Variants in MYEOV observed in about 807,000 individuals in gnomAD.
The protein encoded by MYEOV is myeloma overexpressed.
In MYEOV, 4 loss-of-function variants were observed where a neutral mutation model predicts 4.5. That is an observed-to-expected ratio of 0.89 (90% confidence interval 0.44 to 2.03). The LOEUF (loss-of-function observed/expected upper bound fraction) is 2.03. Among genes scored for constraint, MYEOV ranks in the 30% most tolerant of loss-of-function variants. The probability of loss-of-function intolerance (pLI) is 0.03; values close to 1 mark genes in which losing one functional copy is unlikely to be tolerated. For missense variants in MYEOV, 408 were observed against 412.8 expected (o/e 0.99, Z 0.10); for synonymous variants, 184 against 170.3 (o/e 1.08, Z -0.63).
rs144557795 is a variant in MYEOV at position 69,295,395 on chromosome 11, C to G, written c.41C>G (p.Pro14Arg). 14 of 1,613,382 alleles carry G rather than the reference C, an allele frequency of 8.7e-6. No individual in the cohort carries two copies. The African/African-American group carries it at 9.3e-5, about 11-fold the overall frequency. The change falls in exon 2 of 3, where the codon CCG (proline) becomes CGG (arginine). Residue 14 changes from proline to arginine, a missense_variant. Coordinates refer to ENST00000441339, the MANE Select transcript of MYEOV (RefSeq NM_001293291.2). The surrounding 1 kb of genome is among the most constrained non-coding windows in gnomAD (Gnocchi z 4.1). ...RICVTYTPAL[P>R]IGLCTRCCLC... Reference sequence around the variant, plus strand: ...TGCGTCACATACACCCCAGCTCTCCCGATAGGTCTCTGCACTCGCTGTTGC... The same window carrying G: ...TGCGTCACATACACCCCAGCTCTCCGGATAGGTCTCTGCACTCGCTGTTGC...
intron 1 of MYEOV, among the ~76,000 whole-genome samples, chr11:69,294,799 GT>G (rs1855132096): frequency 6.6e-6 from 1 of 152,164 alleles, no homozygotes; most frequent in Non-Finnish European, 1.5e-5. Flanking sequence ...AGCTGCCCAG[GT>G]CCCCTCTGGT....
At position 69,296,352 on chromosome 11, in the gene MYEOV, ACCTCCT is replaced by A. The variant is rs752054700; in HGVS notation, c.916_921del (p.Leu306_Leu307del). On this transcript the variant is annotated inframe_deletion, in exon 3 of 3. Transcript: ENST00000441339. Reference sequence around the variant, plus strand: ...GGTGCTTCTCCTCTCCTCCTCCACCACCTCCTCCTCCTCCTCCTCATCATCATCCTC... The same window carrying A: ...GGTGCTTCTCCTCTCCTCCTCCACCACCTCCTCCTCCTCATCATCATCCTC... 1.3e-5 allele frequency: 19 copies of A among 1,479,640 alleles called. No homozygotes were observed. The highest frequency in any genetic ancestry group is 2.6e-5 in the Admixed American group (1 of 38,256). 91.7% of individuals were successfully genotyped at this position (1,479,640 alleles called of 1,614,324 possible).
rs199941307 is a variant in MYEOV, at chr11:69,296,306, A to G, written c.856A>G (p.Met286Val). 1 of 1,535,072 alleles carries G rather than the reference A, an allele frequency of 6.5e-7. No individual in the cohort carries two copies. The highest frequency in any genetic ancestry group is 2.3e-5 in the East Asian group (1 of 44,014). The change falls in exon 3 of 3, where the codon ATG (methionine) becomes GTG (valine). Residue 286 changes from methionine (M) to valine (V), a missense_variant. Met to Val is a conservative substitution (Grantham distance 21). Coordinates refer to ENST00000441339, the MANE Select transcript of MYEOV (RefSeq NM_001293291.2). ...GAGGACTGGCCAGGTGGGGCCCACT[A>G]TGCACCCACCCCCAGTGTCAGGTGC... Reference protein sequence around the residue: ...VRRTGQVGPTMHPPPVSGASP... With the variant: ...VRRTGQVGPTVHPPPVSGASP...
In MYEOV at chr11:69,295,268, C is replaced by G. The variant is rs895928150; in HGVS notation, c.-87C>G. The stretch of plus-strand genomic sequence containing the variant: ...GGAGCAGGAAAGTTCATCTCAGACC[C>G]TAAATCCAGCCACGTCATGCCACGC... On this transcript the variant is annotated 5_prime_UTR_variant, in exon 2 of 3. Coordinates refer to ENST00000441339, the MANE Select transcript of MYEOV (RefSeq NM_001293291.2). This position sits in a 1 kb window ranked among gnomAD's most constrained non-coding sequence, Gnocchi z 4.1. 2 of 1,510,910 alleles carry G rather than the reference C, an allele frequency of 1.3e-6. No homozygotes were observed. The highest frequency in any genetic ancestry group is 1.3e-5 in the South Asian group (1 of 76,616). The allele number at this position is 1,510,910 out of a possible 1,614,324, so 93.6% of individuals were successfully genotyped here.
In MYEOV at chr11:69,297,094, C is replaced by T. The variant is rs1855220706; in HGVS notation, c.*702C>T. On this transcript the variant is annotated 3_prime_UTR_variant, in exon 3 of 3. Transcript: ENST00000441339. Reference sequence around the variant, plus strand: ...TCATGCTGCAGGACCCTGTTTCTCTCTTTGCTTTGGCTGCTGGGGAGCTCA... The same window carrying T: ...TCATGCTGCAGGACCCTGTTTCTCTTTTTGCTTTGGCTGCTGGGGAGCTCA... 1.3e-5 allele frequency: 2 copies of T among 152,190 alleles called. No individual in the cohort carries two copies. Among genetic ancestry groups the T allele is most frequent in the Admixed American group, 1.3e-4 (2 of 15,280 alleles). 9.4% of individuals were successfully genotyped at this position (152,190 alleles called of 1,614,324 possible).
chr11:69,295,408 C>T lies in MYEOV; in HGVS notation c.54C>T (p.Cys18=). Residue 18 remains cysteine (C), a synonymous_variant, in exon 2 of 3, where the codon TGC becomes TGT. Coordinates refer to ENST00000441339, the MANE Select transcript of MYEOV (RefSeq NM_001293291.2). This position sits in a 1 kb window ranked among gnomAD's most constrained non-coding sequence, Gnocchi z 4.1. The part of the protein sequence containing the change: ...TYTPALPIGL[C]TRCCLCLEQS... Reference sequence around the variant, plus strand: ...CCCCAGCTCTCCCGATAGGTCTCTGCACTCGCTGTTGCCTCTGCCTGGAAC... The same window carrying T: ...CCCCAGCTCTCCCGATAGGTCTCTGTACTCGCTGTTGCCTCTGCCTGGAAC... 1.2e-6 allele frequency: 2 copies of T among 1,613,722 alleles called. No homozygotes were observed. Among genetic ancestry groups the T allele is most frequent in the Non-Finnish European group, 8.5e-7 (1 of 1,179,672 alleles).
rs1270694298 is a variant in MYEOV at position 69,296,342 on chromosome 11, C to G, written c.892C>G (p.Leu298Val). The change falls in exon 3 of 3, where the codon CTC becomes GTC. Residue 298 changes from leucine (L) to valine (V), a missense_variant. Physicochemically the swap from Leu to Val is conservative, Grantham distance 32. Coordinates refer to ENST00000441339, the MANE Select transcript of MYEOV (RefSeq NM_001293291.2). ...PPPVSGASPLLLHHLLLLLLI... is the reference protein window; with the variant it reads ...PPPVSGASPLVLHHLLLLLLI... The stretch of plus-strand genomic sequence containing the variant: ...CCCAGTGTCAGGTGCTTCTCCTCTC[C>G]TCCTCCACCACCTCCTCCTCCTCCT... 4.0e-6 allele frequency: 6 copies of G among 1,499,214 alleles called. No homozygotes were observed. In the South Asian group the frequency reaches 5.5e-5, roughly 14 times the overall value. 92.9% of individuals were successfully genotyped at this position (1,499,214 alleles called of 1,614,324 possible).
Position 69,296,425 on chromosome 11 carries a change from C to T in MYEOV, c.*33C>T, listed in dbSNP as rs1182100660. The T allele has an allele frequency of 1.5e-6, 2 of 1,315,252 alleles. No individual in the cohort carries two copies. Among genetic ancestry groups the T allele is most frequent in the Non-Finnish European group, 2.0e-6 (2 of 976,440 alleles). The allele number at this position is 1,315,252 out of a possible 1,614,324, so 81.5% of individuals were successfully genotyped here. A position where few individuals can be genotyped will look rare whatever the true frequency, so the allele number is the denominator to read the frequency against. ...CTGTGTGCCAAGTGGTTTATATGCC[C>T]AGCCTCATTTAATCCTCAGAATGAC... On this transcript the variant is annotated 3_prime_UTR_variant, in exon 3 of 3. Coordinates refer to ENST00000441339, the MANE Select transcript of MYEOV (RefSeq NM_001293291.2).
chr11:69,295,850 A>T lies in MYEOV; in HGVS notation c.400A>T (p.Arg134Trp). The stretch of plus-strand genomic sequence containing the variant: ...AGAAGACGTGGACGTGTCCCGGGCC[A>T]GGAGGGTCACAGATGCACCACAAGG... ...EAEDVDVSRA[R>W]RVTDAPQGTL... Residue 134 changes from arginine to tryptophan, a missense_variant, in exon 3 of 3, where the codon AGG (arginine) becomes TGG (tryptophan). Physicochemically the swap from Arg to Trp is moderately radical, Grantham distance 101. Transcript: ENST00000441339. This position sits in a 1 kb window ranked among gnomAD's most constrained non-coding sequence, Gnocchi z 4.1. The T allele has an allele frequency of 6.2e-7, 1 of 1,614,156 alleles. No homozygotes were observed. The highest frequency in any genetic ancestry group is 2.2e-5 in the East Asian group (1 of 44,868).
At position 69,295,687 on chromosome 11, in the gene MYEOV, C is replaced by A. The variant is rs772261259; in HGVS notation, c.237C>A (p.Arg79=). The change falls in exon 3 of 3, where the codon CGC becomes CGA. Residue 79 remains arginine (R), a synonymous_variant. Transcript: ENST00000441339. The surrounding 1 kb of genome is among the most constrained non-coding windows in gnomAD (Gnocchi z 4.1). The part of the protein sequence containing the change: ...EGSKAGRSRG[R]LCLSQALRVA... ...CCAAAGCCGGCAGATCCCGGGGCCG[C>A]CTCTGTCTCTCCCAGGCCCTGCGTG... is the stretch of plus-strand genomic sequence containing the variant. 5 of 1,614,200 alleles carry A rather than the reference C, an allele frequency of 3.1e-6. No homozygotes were observed. The highest frequency in any genetic ancestry group is 4.2e-6 in the Non-Finnish European group (5 of 1,180,046).
chr11:69,295,874 G>A lies in MYEOV; in HGVS notation c.424G>A (p.Gly142Ser). 1.2e-6 allele frequency: 2 copies of A among 1,614,198 alleles called. No homozygotes were observed. Among genetic ancestry groups the A allele is most frequent in the South Asian group, 2.2e-5 (2 of 91,086 alleles). The change falls in exon 3 of 3, where the codon GGC becomes AGC. Residue 142 changes from glycine (G) to serine (S), a missense_variant. Coordinates refer to ENST00000441339, the MANE Select transcript of MYEOV (RefSeq NM_001293291.2). The surrounding 1 kb of genome is among the most constrained non-coding windows in gnomAD (Gnocchi z 4.1). ...CAGGAGGGTCACAGATGCACCACAA[G>A]GCACTCTGTGTGGCACTGGGAACAG... is the stretch of plus-strand genomic sequence containing the variant. Reference protein sequence around the residue: ...RARRVTDAPQGTLCGTGNRNS... With the variant: ...RARRVTDAPQSTLCGTGNRNS...
intron 1 of MYEOV, 47 bp downstream of exon 1, chr11:69,294,623 G>C (rs1305279956): frequency 1.3e-5 from 2 of 152,888 alleles, no homozygotes; most frequent in East Asian, 1.9e-4. Flanking sequence ...CCCTGTGGCT[G>C]CTGGGTGGGG....
In MYEOV at chr11:69,297,207, T is replaced by G. The variant is rs1183963596; in HGVS notation, c.*815T>G. 4 of 152,360 alleles carry G rather than the reference T, an allele frequency of 2.6e-5. No homozygotes were observed. The South Asian group carries it at 6.2e-4, about 24-fold the overall frequency. The allele number at this position is 152,360 out of a possible 1,614,324, so 9.4% of individuals were successfully genotyped here. A position where few individuals can be genotyped will look rare whatever the true frequency, so the allele number is the denominator to read the frequency against. On this transcript the variant is annotated 3_prime_UTR_variant, in exon 3 of 3. Transcript: ENST00000441339. ...GCCGTCTCCTTTGGGCTCTGTCTCC[T>G]CCCTGCTGTGCTTCCTGAGGAGCAG...
rs374994116 is a variant in MYEOV, at chr11:69,295,536, G to C, written c.141+41G>C. 8 of 1,613,272 alleles carry C rather than the reference G, an allele frequency of 5.0e-6. No individual in the cohort carries two copies. The highest frequency in any genetic ancestry group is 5.9e-6 in the Non-Finnish European group (7 of 1,179,470). ...TGACCCCAGTAACCTCTTCTCTTGG[G>C]TGGGTGAATGCCACCTGCTGATGTC... On this transcript the variant is annotated intron_variant, in intron 2 of 2. Coordinates refer to ENST00000441339, the MANE Select transcript of MYEOV (RefSeq NM_001293291.2). The surrounding 1 kb of genome is among the most constrained non-coding windows in gnomAD (Gnocchi z 4.1).
chr11:69,295,393 C>G lies in MYEOV; in HGVS notation c.39C>G (p.Leu13=), dbSNP rs750835741. ...TCTGCGTCACATACACCCCAGCTCT[C>G]CCGATAGGTCTCTGCACTCGCTGTT... The part of the protein sequence containing the change: ...LRICVTYTPA[L]PIGLCTRCCL... The change falls in exon 2 of 3, where the codon CTC becomes CTG. Residue 13 remains leucine (L), a synonymous_variant. Transcript: ENST00000441339. The surrounding 1 kb of genome is among the most constrained non-coding windows in gnomAD (Gnocchi z 4.1). 5.0e-6 allele frequency: 8 copies of G among 1,613,398 alleles called. No individual in the cohort carries two copies. Among genetic ancestry groups the G allele is most frequent in the African/African-American group, 2.7e-5 (2 of 74,898 alleles).
chr11:69,295,601 C>T lies in MYEOV; in HGVS notation c.151C>T (p.Leu51Phe), dbSNP rs1855160378. ...LTFHLHQSVPLGDRDSLLMFT... is the reference protein window; with the variant it reads ...LTFHLHQSVPFGDRDSLLMFT... Reference sequence around the variant, plus strand: ...GTTTTCTTGTCTGTAGTCTGTCCCCCTTGGGGACAGGGACTCGTTGCTCAT... The same window carrying T: ...GTTTTCTTGTCTGTAGTCTGTCCCCTTTGGGGACAGGGACTCGTTGCTCAT... Residue 51 changes from leucine to phenylalanine, a missense_variant, in exon 3 of 3, where the codon CTT (leucine) becomes TTT (phenylalanine). Coordinates refer to ENST00000441339, the MANE Select transcript of MYEOV (RefSeq NM_001293291.2). This position sits in a 1 kb window ranked among gnomAD's most constrained non-coding sequence, Gnocchi z 4.1. The T allele has an allele frequency of 1.9e-6, 3 of 1,613,264 alleles. No homozygotes were observed. The South Asian group carries it at 3.3e-5, about 18-fold the overall frequency.
chr11:69,296,333 TCTC>T lies in MYEOV; in HGVS notation c.887_889del (p.Pro296del), dbSNP rs1031165040. On this transcript the variant is annotated inframe_deletion, in exon 3 of 3. Transcript: ENST00000441339. The stretch of plus-strand genomic sequence containing the variant: ...GCACCCACCCCCAGTGTCAGGTGCT[TCTC>T]CTCTCCTCCTCCACCACCTCCTCCT... 6.6e-7 allele frequency: 1 copy of T among 1,505,042 alleles called. No individual in the cohort carries two copies. Among genetic ancestry groups the T allele is most frequent in the Non-Finnish European group, 8.9e-7 (1 of 1,127,106 alleles). 93.2% of individuals were successfully genotyped at this position (1,505,042 alleles called of 1,614,324 possible).
In MYEOV at chr11:69,296,098, A is replaced by G. The variant is rs1367279149; in HGVS notation, c.648A>G (p.Ala216=). The change falls in exon 3 of 3, where the codon GCA becomes GCG. Residue 216 remains alanine (A), a synonymous_variant. Coordinates refer to ENST00000441339, the MANE Select transcript of MYEOV (RefSeq NM_001293291.2). ...GAGGACTTCTGGCCGGTGCCGGGGC[A>G]CTCTGCATGACCCTGGCAGAATCGA... ...PGRGLLAGAG[A]LCMTLAESSC... is the part of the protein sequence containing the mutation. The G allele has an allele frequency of 6.2e-7, 1 of 1,613,956 alleles. No individual in the cohort carries two copies. The highest frequency in any genetic ancestry group is 1.1e-5 in the South Asian group (1 of 91,070).
chr11:69,296,120 T>G lies in MYEOV; in HGVS notation c.670T>G (p.Ser224Ala), dbSNP rs778383592. Residue 224 changes from serine to alanine, a missense_variant, in exon 3 of 3, where the codon TCG becomes GCG. Ser to Ala is a moderately conservative substitution (Grantham distance 99, BLOSUM62 1). Transcript: ENST00000441339. The part of the protein sequence containing the change: ...AGALCMTLAE[S>A]SCPDYERGRR... ...GGCACTCTGCATGACCCTGGCAGAA[T>G]CGAGCTGCCCTGACTATGAAAGGGG... is the stretch of plus-strand genomic sequence containing the variant. 1.2e-6 allele frequency: 2 copies of G among 1,614,096 alleles called. No homozygotes were observed. Among genetic ancestry groups the G allele is most frequent in the African/African-American group, 1.3e-5 (1 of 75,024 alleles).
Sources: allele counts gnomAD v4.1 joint callset (sites outside exome capture counted in the v4.1 genomes callset), GRCh38; gene constraint gnomAD v4.1.1; non-coding constraint Gnocchi (gnomAD v3.1); transcripts MANE v1.5; gene names NCBI Gene and HGNC (gene_info 2026-07-23, HGNC 2026-07-21).